ELMO1: variants seen among roughly 807,000 people sequenced by gnomAD.
ELMO1 encodes engulfment and cell motility protein 1.
A neutral mutation model predicts 98.9 loss-of-function variants in ELMO1; 26 were observed. That is an observed-to-expected ratio of 0.26 (90% CI 0.19 to 0.36). The LOEUF is 0.36. Among genes scored for constraint, ELMO1 ranks in the 10% least tolerant of loss-of-function variants. The pLI is 1.00. For synonymous variants in ELMO1, 346 were observed against 346.0 expected, an observed-to-expected ratio of 1.00 and a Z score of 0.00; for missense variants, 627 against 935.2, an observed-to-expected ratio of 0.67 and a Z score of 4.30.
intron 5 of ELMO1, chr7:37,269,340 C>T (rs1796434231): frequency 6.6e-6 from 1 of 151,824 alleles, no homozygotes; most frequent in African/African-American, 2.4e-5. Context: ...CCCCAGACAT[C>T]AGCATTTTCA....
intron 13 of ELMO1, among the ~76,000 whole-genome samples, chr7:37,157,352 A>G (rs929392819): frequency 6.6e-6 from 1 of 152,228 alleles, no homozygotes; most frequent in Non-Finnish European, 1.5e-5. Flanking sequence ...AGGCTATTCA[A>G]TTAGGAAAAG....
At position 36,870,625 on chromosome 7, in the gene ELMO1, G is replaced by T. The variant is rs1422266926; in HGVS notation, c.1823-150C>A. ...AAGAGTGTTGAAAAGAGGAAGAGAA[G>T]CCAGGTAGTGTCCCAGGATTAGAAA... is the stretch of plus-strand genomic sequence containing the variant. On this transcript the variant is annotated intron_variant, in intron 19 of 21. Coordinates refer to ENST00000310758, the MANE Select transcript of ELMO1 (RefSeq NM_014800.11). The surrounding 1 kb of genome is among the most constrained non-coding windows in gnomAD (Gnocchi z 4.4). 1.4e-6 allele frequency: 1 copy of T among 709,870 alleles called. No homozygotes were observed. Among genetic ancestry groups the T allele is most frequent in the Non-Finnish European group, 2.3e-6 (1 of 443,006 alleles). The allele number at this position is 709,870 out of a possible 1,614,324, so 44.0% of individuals were successfully genotyped here.
intron 13 of ELMO1, among the ~76,000 whole-genome samples, chr7:37,184,194 T>G (rs1198473363): frequency 6.6e-6 from 1 of 152,236 alleles, no homozygotes; most frequent in Non-Finnish European, 1.5e-5. Context: ...GTGGTGAAGA[T>G]TCTGGATTCT....
intron 4 of ELMO1, among the ~76,000 whole-genome samples, chr7:37,289,363 T>A (rs1182449215): frequency 1.3e-5 from 2 of 152,212 alleles, no homozygotes; most frequent in Non-Finnish European, 1.5e-5. Context: ...TTATTAAGCA[T>A]TTTTTAAAAG....
chr7:36,931,337 C>T (rs982132658), intron 16 of ELMO1, among the ~76,000 whole-genome samples: 3 of 152,154 alleles, frequency 2.0e-5, no homozygotes, highest in Admixed American at 1.3e-4. Flanking sequence ...TGGTGGCTCA[C>T]GCCTGTAATC....
chr7:36,924,683 TA>T (rs537952284), intron 16 of ELMO1, among the ~76,000 whole-genome samples: 136 of 152,200 alleles, frequency 8.9e-4, no homozygotes, highest in Admixed American at 2.5e-3. Context: ...TATTACGTTA[TA>T]GGGGGGAGGA....
At chr7:37,012,519 C>G (rs929517982) in intron 16 of ELMO1, among the ~76,000 whole-genome samples, 1 of 152,182 alleles carries the variant, frequency 6.6e-6, no homozygotes, top group Non-Finnish European at 1.5e-5. Context: ...ATTAAAAGTA[C>G]TAAAGGCTGC....
rs149601525 is a variant in ELMO1, at chr7:37,008,300, G to A, written c.1437+4999C>T. Among the ~76,000 whole-genome samples, 591 of 152,328 alleles carry A rather than the reference G, an allele frequency of 3.9e-3. 1 individual carries two copies. Among genetic ancestry groups the A allele is most frequent in the Middle Eastern group, 6.8e-3 (2 of 294 alleles). On this transcript the variant is annotated intron_variant, in intron 16 of 21. Transcript: ENST00000310758. ...CAGCCATTAAATATGTGAAAATCAT[G>A]GGACCTGCTGTTTTTTAGGTTGCTA...
Position 37,292,289 on chromosome 7 carries a change from G to A in ELMO1, c.193-20407C>T, listed in dbSNP as rs1335289214. Among the ~76,000 whole-genome samples the A allele has an allele frequency of 3.6e-4, 30 of 83,136 alleles. 2 individuals carry two copies. The highest frequency in any genetic ancestry group is 8.6e-4 in the African/African-American group (26 of 30,136). The allele number at this position is 83,136 out of a possible 152,430, so 54.5% of individuals were successfully genotyped here. Reference sequence around the variant, plus strand: ...GGCTGGAGTGCAGTGGCGTGATCTCGGCTCGCTACAACCTCCACCTCCCAG... The same window carrying A: ...GGCTGGAGTGCAGTGGCGTGATCTCAGCTCGCTACAACCTCCACCTCCCAG... On this transcript the variant is annotated intron_variant, in intron 4 of 21. Coordinates refer to ENST00000310758, the MANE Select transcript of ELMO1 (RefSeq NM_014800.11).
intron 13 of ELMO1, among the ~76,000 whole-genome samples, chr7:37,166,255 GTCAA>G (rs1299183963): frequency 6.6e-6 from 1 of 152,116 alleles, no homozygotes; most frequent in African/African-American, 2.4e-5. Flanking sequence ...CTTGCTAGCG[GTCAA>G]TCAACTTTGT....
intron 16 of ELMO1, among the ~76,000 whole-genome samples, chr7:36,957,677 C>T (rs1788581520): frequency 6.6e-6 from 1 of 152,208 alleles, no homozygotes; most frequent in African/African-American, 2.4e-5. Flanking sequence ...TTACAAGCAC[C>T]ATCTTGTGTC....
chr7:37,297,765 T>C (rs1798115732), intron 4 of ELMO1, among the ~76,000 whole-genome samples: 1 of 152,190 alleles, frequency 6.6e-6, no homozygotes, highest in African/African-American at 2.4e-5. Context: ...ATGGGCCAAG[T>C]GCCTTGCAAA....
At chr7:37,315,326 A>C (rs150375310) in intron 3 of ELMO1, among the ~76,000 whole-genome samples, 3 of 152,370 alleles carry the variant, frequency 2.0e-5, no homozygotes, top group East Asian at 3.9e-4. Flanking sequence ...ATCCCCTATC[A>C]GTATAGTTGA....
chr7:37,315,871 G>A (rs770483183), intron 3 of ELMO1, 49 bp downstream of exon 3: 3 of 1,468,420 alleles, frequency 2.0e-6, no homozygotes, highest in East Asian at 4.6e-5. Flanking sequence ...TTATTTGCTT[G>A]TCAATTTATC....
intron 15 of ELMO1, among the ~76,000 whole-genome samples, chr7:37,066,371 G>A (rs920577963): frequency 6.6e-6 from 1 of 152,182 alleles, no homozygotes; most frequent in African/African-American, 2.4e-5. Flanking sequence ...GCAATGGCAA[G>A]AATGAGGCAA....
intron 14 of ELMO1, among the ~76,000 whole-genome samples, chr7:37,118,659 T>A (rs1487458446): frequency 6.6e-6 from 1 of 152,174 alleles, no homozygotes; most frequent in African/African-American, 2.4e-5. Context: ...GGCGGTGTGC[T>A]CAGAACTTCA....
intron 16 of ELMO1, among the ~76,000 whole-genome samples, chr7:37,005,673 C>T (rs1793044062): frequency 9.1e-6 from 1 of 109,346 alleles, no homozygotes; most frequent in Non-Finnish European, 1.7e-5. Context: ...GCCTGGGTGA[C>T]AAGAGCGAGA....
chr7:37,294,093 T>C (rs58829466), intron 4 of ELMO1, among the ~76,000 whole-genome samples: 341 of 151,528 alleles, frequency 2.3e-3, no homozygotes, highest in African/African-American at 7.6e-3. Context: ...AAAAGATTAA[T>C]ATATTTTCAG....
intron 16 of ELMO1, among the ~76,000 whole-genome samples, chr7:36,934,362 T>C (rs1365954319): frequency 1.3e-5 from 2 of 152,162 alleles, no homozygotes; most frequent in Non-Finnish European, 2.9e-5. Context: ...TGCCTTTGCT[T>C]TGGCAGCTCT....
Sources: allele counts gnomAD v4.1 joint callset (sites outside exome capture counted in the v4.1 genomes callset), GRCh38; gene constraint gnomAD v4.1.1; non-coding constraint Gnocchi (gnomAD v3.1); transcripts MANE v1.5; gene names NCBI Gene and HGNC (gene_info 2026-07-23, HGNC 2026-07-21).